ANKRD6: variants seen among roughly 807,000 people sequenced by gnomAD.
The protein encoded by ANKRD6 is ankyrin repeat domain-containing protein 6.
A neutral mutation model predicts 82.3 loss-of-function variants in ANKRD6; 56 were observed. That is an observed-to-expected ratio of 0.68 (90% CI 0.55 to 0.85). The LOEUF (loss-of-function observed/expected upper bound fraction) is 0.85. Ranked by LOEUF, ANKRD6 falls within the 40% of genes least tolerant of loss-of-function variation. The probability of loss-of-function intolerance (pLI) is 0.00; values close to 1 mark genes in which losing one functional copy is unlikely to be tolerated. For missense variants in ANKRD6, 852 were observed against 907.6 expected (o/e 0.94, Z 0.79); for synonymous variants, 347 against 352.1 (o/e 0.99, Z 0.16).
chr6:89,565,799 T>C (rs913816049), intron 1 of ANKRD6, among the ~76,000 whole-genome samples: 1 of 152,260 alleles, frequency 6.6e-6, no homozygotes, highest in African/African-American at 2.4e-5. Context: ...AGCATTTTCT[T>C]TCCATTTGTA....
At chr6:89,497,410 T>A (rs918228673) in intron 1 of ANKRD6, among the ~76,000 whole-genome samples, 2 of 152,230 alleles carry the variant, frequency 1.3e-5, no homozygotes, top group African/African-American at 4.8e-5. Context: ...AGGGGCTGAC[T>A]GCTTCAGCTG....
chr6:89,446,508 T>C (rs1014043565), intron 1 of ANKRD6, among the ~76,000 whole-genome samples: 2 of 152,110 alleles, frequency 1.3e-5, no homozygotes, highest in East Asian at 1.9e-4. Context: ...AAAACCAAGA[T>C]AGAATGAAAG....
intron 13 of ANKRD6, among the ~76,000 whole-genome samples, chr6:89,627,063 T>A (rs1805920692): frequency 6.6e-6 from 1 of 152,134 alleles, no homozygotes; most frequent in Admixed American, 6.5e-5. Context: ...CTACAAGGCC[T>A]GCATGGGCTC....
chr6:89,482,457 AGTC>A (rs1562603542), intron 1 of ANKRD6, among the ~76,000 whole-genome samples: 14 of 152,272 alleles, frequency 9.2e-5, no homozygotes, highest in Admixed American at 3.3e-4. Context: ...TTTATTTCAT[AGTC>A]ATTTTGTTTC....
intron 13 of ANKRD6, 147 bp from the exon 14 acceptor site, chr6:89,627,436 C>T (rs1241092883): frequency 1.6e-6 from 1 of 607,458 alleles, no homozygotes; most frequent in Admixed American, 3.0e-5. Flanking sequence ...TTCCATGAGT[C>T]CTACATGCAA....
intron 1 of ANKRD6, among the ~76,000 whole-genome samples, chr6:89,486,212 A>T (rs929554510): frequency 6.6e-6 from 1 of 152,168 alleles, no homozygotes; most frequent in African/African-American, 2.4e-5. Context: ...GTGGTCCCAA[A>T]AGATTATGAT....
chr6:89,603,191 G>A, intron 4 of ANKRD6, 64 bp downstream of exon 4: 1 of 1,469,634 alleles, frequency 6.8e-7, no homozygotes, highest in Non-Finnish European at 9.3e-7. Flanking sequence ...AGGGGAGCTG[G>A]AGGAGCCCGC....
chr6:89,439,195 A>G (rs2127930949), intron 1 of ANKRD6, among the ~76,000 whole-genome samples: 1 of 152,292 alleles, frequency 6.6e-6, no homozygotes, highest in South Asian at 2.1e-4. Context: ...CATGTAGAGA[A>G]TTGTACATTT....
chr6:89,578,286 CTTTTTTTTTTTTT>C (rs71024383), intron 2 of ANKRD6, among the ~76,000 whole-genome samples: 12 of 119,098 alleles, frequency 1.0e-4, no homozygotes, highest in African/African-American at 3.9e-4. Flanking sequence ...CTCCCGCCTC[CTTTTTTTTTTTTT>C]TTTTTTTTTT....
chr6:89,529,878 G>A (rs1157038683), intron 1 of ANKRD6, among the ~76,000 whole-genome samples: 1 of 152,140 alleles, frequency 6.6e-6, no homozygotes. Flanking sequence ...TTTATGTGGT[G>A]TGGTTCAGGG....
intron 2 of ANKRD6, among the ~76,000 whole-genome samples, chr6:89,583,393 T>TG (rs1793015288): frequency 6.6e-6 from 1 of 152,228 alleles, no homozygotes; most frequent in African/African-American, 2.4e-5. Flanking sequence ...GTCTATGAGA[T>TG]AATGCATGGA....
chr6:89,566,854 A>C lies in ANKRD6; in HGVS notation c.-123A>C. The C allele has an allele frequency of 7.3e-7, 1 of 1,370,166 alleles. No homozygotes were observed. The highest frequency in any genetic ancestry group is 9.9e-7 in the Non-Finnish European group (1 of 1,010,846). 84.9% of individuals were successfully genotyped at this position (1,370,166 alleles called of 1,614,324 possible). On this transcript the variant is annotated 5_prime_UTR_variant, in exon 2 of 16. Coordinates refer to ENST00000339746, the MANE Select transcript of ANKRD6 (RefSeq NM_001242809.2). ...CCTAGGTCCCGAAGATGGCATATTCATAAAGACATCTTCTGATGATTGTGA... is the reference window on the plus strand; with the variant it reads ...CCTAGGTCCCGAAGATGGCATATTCCTAAAGACATCTTCTGATGATTGTGA...
intron 1 of ANKRD6, among the ~76,000 whole-genome samples, chr6:89,484,965 A>G (rs55987732): frequency 0.056 from 8,482 of 152,230 alleles, 261 homozygotes; most frequent in South Asian, 0.13. Flanking sequence ...GATGGACTGT[A>G]TCAATGGTTC....
At chr6:89,610,768 C>T (rs74894856) in intron 5 of ANKRD6, among the ~76,000 whole-genome samples, 1 of 144,490 alleles carries the variant, frequency 6.9e-6, no homozygotes, top group African/African-American at 2.6e-5. Context: ...TCCTGGGGAA[C>T]TATAAACAAA....
chr6:89,545,067 G>A (rs1009210763), intron 1 of ANKRD6, among the ~76,000 whole-genome samples: 1 of 151,936 alleles, frequency 6.6e-6, no homozygotes, highest in African/African-American at 2.4e-5. Context: ...TAAAAAATTA[G>A]CAGGGCGTGG....
chr6:89,468,912 G>A (rs1775144885), intron 1 of ANKRD6, among the ~76,000 whole-genome samples: 1 of 151,726 alleles, frequency 6.6e-6, no homozygotes, highest in African/African-American at 2.4e-5. Context: ...CTCATTTATG[G>A]GTCTGTTTAT....
intron 1 of ANKRD6, among the ~76,000 whole-genome samples, chr6:89,509,505 G>C (rs921796093): frequency 1.3e-5 from 2 of 152,118 alleles, no homozygotes; most frequent in Non-Finnish European, 2.9e-5. Flanking sequence ...TGGAAGTCCT[G>C]GTTTTCTGTT....
rs541137114 is a variant in ANKRD6, at chr6:89,463,129, G to C, written c.-144+29754G>C. On this transcript the variant is annotated intron_variant, in intron 1 of 15. Coordinates refer to ENST00000339746, the MANE Select transcript of ANKRD6 (RefSeq NM_001242809.2). ...GTGATCCTCCCACCTTGGCCTCCCA[G>C]AGTGTTGGGATTACAGCCATGAGCC... 2.6e-5 allele frequency among the ~76,000 whole-genome samples: 4 copies of C among 152,142 alleles called. No homozygotes were observed. In the East Asian group the frequency reaches 7.7e-4, roughly 29 times the overall value.
chr6:89,556,669 T>C (rs1447148186), intron 1 of ANKRD6, among the ~76,000 whole-genome samples: 1 of 152,214 alleles, frequency 6.6e-6, no homozygotes, highest in Non-Finnish European at 1.5e-5. Context: ...CTTAAGGCAG[T>C]GGCAGTACAG....
Sources: gnomAD v4.1 joint callset for allele counts (sites outside exome capture counted in the v4.1 genomes callset) on GRCh38, gnomAD v4.1.1 for gene constraint, MANE v1.5 for transcripts, NCBI Gene and HGNC (gene_info 2026-07-23, HGNC 2026-07-21) for gene names.